MLXIPL: variants seen among roughly 807,000 people sequenced by gnomAD.
MLXIPL encodes carbohydrate-responsive element-binding protein.
In MLXIPL, 49 loss-of-function variants were observed where a neutral mutation model predicts 81.5. The observed-to-expected ratio is 0.60, with a 90% CI of 0.48 to 0.76. The LOEUF (loss-of-function observed/expected upper bound fraction) is 0.76, where lower values mean the gene tolerates loss of function less well. MLXIPL is among the 30% of genes least tolerant of loss of function. MLXIPL has a pLI of 0.00. For synonymous variants in MLXIPL, 466 were observed against 485.5 expected (o/e 0.96, Z 0.53); for missense variants, 1,053 against 1,167.0 (o/e 0.90, Z 1.42).
intron 8 of MLXIPL, among the ~76,000 whole-genome samples, chr7:73,598,815 G>A (rs1015993483): frequency 6.6e-6 from 1 of 152,006 alleles, no homozygotes; most frequent in Non-Finnish European, 1.5e-5. Flanking sequence ...GCAGCAGGAA[G>A]CAACTTCTGA....
chr7:73,596,977 C>G lies in MLXIPL; in HGVS notation c.1604-45G>C. On this transcript the variant is annotated intron_variant, in intron 9 of 16. Transcript: ENST00000313375. The surrounding 1 kb of genome is among the most constrained non-coding windows in gnomAD (Gnocchi z 4.7). ...TGAGGCTACTGGGGCTGGCCCACCC[C>G]CGGCATCTATCAAGACCCCATCCTG... 6.3e-7 allele frequency: 1 copy of G among 1,584,028 alleles called. No individual in the cohort carries two copies.
rs782092916 is a variant in MLXIPL at position 73,593,923 on chromosome 7, C to T, written c.2501G>A (p.Arg834His). Residue 834 changes from arginine to histidine, a missense_variant, in exon 17 of 17, where the codon CGC becomes CAC. This residue lies in a region of MLXIPL where 823 missense variants were observed against 933.0 expected (regional missense o/e 0.88). Transcript: ENST00000313375. ...TGCCCGTGTGGCTTGCTCAGGGATG[C>T]GGCCCGGGTCGGTCAGGATACTGGT... ...TSTSILTDPG[R>H]IPEQATRAVT... is the part of the protein sequence containing the mutation. 7.4e-6 allele frequency: 12 copies of T among 1,614,080 alleles called. No individual in the cohort carries two copies. The highest frequency in any genetic ancestry group is 2.2e-5 in the East Asian group (1 of 44,878).
chr7:73,606,486 C>T (rs111269178), intron 5 of MLXIPL: 4,022 of 331,152 alleles, frequency 0.012, 201 homozygotes, highest in African/African-American at 0.084. Context: ...AGTGCAGTGG[C>T]GCAATCTCAG....
intron 1 of MLXIPL, among the ~76,000 whole-genome samples, chr7:73,620,778 C>T (rs1323364099): frequency 6.7e-6 from 1 of 148,230 alleles, no homozygotes; most frequent in East Asian, 2.0e-4. Context: ...AGGCAGGACA[C>T]GATGGCTCAT....
At chr7:73,645,519 G>C in the MLXIPL span, among the ~76,000 whole-genome samples, 108 of 152,174 alleles carry the variant, frequency 7.1e-4, no homozygotes, top group African/African-American at 2.5e-3. Context: ...GTGGAGGTGG[G>C]TGAGGTGGGC....
the MLXIPL span, among the ~76,000 whole-genome samples, chr7:73,631,120 T>C: frequency 6.6e-6 from 1 of 152,014 alleles, no homozygotes; most frequent in African/African-American, 2.4e-5. Flanking sequence ...GCCATTCTCC[T>C]GACTCAGCCT....
chr7:73,647,855 G>A, the MLXIPL span, among the ~76,000 whole-genome samples: 1 of 150,628 alleles, frequency 6.6e-6, no homozygotes, highest in Non-Finnish European at 1.5e-5. Context: ...GGGGATGCTT[G>A]GGACCGCCGG....
rs1260141276 is a variant in MLXIPL, at chr7:73,623,784, C to G, written c.293+416G>C. On this transcript the variant is annotated intron_variant, in intron 1 of 16. Coordinates refer to ENST00000313375, the MANE Select transcript of MLXIPL (RefSeq NM_032951.3). This position sits in a 1 kb window ranked among gnomAD's most constrained non-coding sequence, Gnocchi z 5.7. ...GGGGCTGCTGGGGAGAAGGCCGAGG[C>G]CTGCAGGGGGTCGGGTGGAGTGGCT... is the stretch of plus-strand genomic sequence containing the variant. 1.3e-5 allele frequency among the ~76,000 whole-genome samples: 2 copies of G among 151,878 alleles called. No homozygotes were observed. Among genetic ancestry groups the G allele is most frequent in the African/African-American group, 4.8e-5 (2 of 41,366 alleles).
At chr7:73,617,136 C>T (rs1393734453) in intron 1 of MLXIPL, among the ~76,000 whole-genome samples, 1 of 152,126 alleles carries the variant, frequency 6.6e-6, no homozygotes, top group Admixed American at 6.6e-5. Flanking sequence ...GTGCCTCGGC[C>T]TCCCGAGTAG....
chr7:73,643,445 C>T, the MLXIPL span, among the ~76,000 whole-genome samples: 3 of 149,424 alleles, frequency 2.0e-5, no homozygotes, highest in East Asian at 2.0e-4. Flanking sequence ...ACCCGGGAGG[C>T]GGAGCTTGCA....
intron 15 of MLXIPL, 50 bp from the exon 16 acceptor site, chr7:73,594,453 C>T (rs1554592998): frequency 6.3e-7 from 1 of 1,598,418 alleles, no homozygotes; most frequent in Admixed American, 1.7e-5. Flanking sequence ...CCCCCCACAC[C>T]ACGTGGAGCC....
chr7:73,645,814 C>T, the MLXIPL span, among the ~76,000 whole-genome samples: 1 of 152,156 alleles, frequency 6.6e-6, no homozygotes, highest in Non-Finnish European at 1.5e-5. Context: ...ATCAGCTTTG[C>T]CGTTCCCAGG....
the MLXIPL span, among the ~76,000 whole-genome samples, chr7:73,636,147 C>T: frequency 5.3e-5 from 8 of 152,286 alleles, no homozygotes; most frequent in Admixed American, 1.3e-4. Context: ...CCGTGGCTCA[C>T]GCCTGCAATC....
Position 73,607,612 on chromosome 7 carries a change from G to A in MLXIPL, c.461C>T (p.Ala154Val), listed in dbSNP as rs782618950. The A allele has an allele frequency of 1.2e-6, 2 of 1,613,312 alleles. No homozygotes were observed. Among genetic ancestry groups the A allele is most frequent in the African/African-American group, 2.7e-5 (2 of 75,038 alleles). The change falls in exon 3 of 17, where the codon GCT (alanine) becomes GTT (valine). Residue 154 changes from alanine (A) to valine (V), a missense_variant. Ala to Val is a moderately conservative substitution (Grantham distance 64). Transcript: ENST00000313375. ...GFVTPLQGPEADAHRKPEAVV... is the reference protein window; with the variant it reads ...GFVTPLQGPEVDAHRKPEAVV... ...TACCTCCGGCTTCCGGTGCGCATCA[G>A]CCTCAGGCCCCTGCAGGGGGGTCAC... is the stretch of plus-strand genomic sequence containing the variant.
chr7:73,595,027 G>T (rs1032546139), intron 15 of MLXIPL, among the ~76,000 whole-genome samples: 1 of 151,972 alleles, frequency 6.6e-6, no homozygotes. Context: ...TGTATTTTTA[G>T]TAGAGATGGG....
In MLXIPL at chr7:73,623,967, G is replaced by A. The variant is rs1378462706; in HGVS notation, c.293+233C>T. On this transcript the variant is annotated intron_variant, in intron 1 of 16. Transcript: ENST00000313375. This position sits in a 1 kb window ranked among gnomAD's most constrained non-coding sequence, Gnocchi z 5.7. ...GCGCTTCGGGGAAGAGGGAATGGGG[G>A]AGGAATGGGAATCAGAAATGCGTGG... 2.6e-5 allele frequency among the ~76,000 whole-genome samples: 4 copies of A among 152,126 alleles called. No homozygotes were observed. The highest frequency in any genetic ancestry group is 9.7e-5 in the African/African-American group (4 of 41,436).
chr7:73,599,767 T>C, intron 7 of MLXIPL, 72 bp from the exon 8 acceptor site: 16 of 1,398,688 alleles, frequency 1.1e-5, no homozygotes, highest in African/African-American at 2.9e-5. Context: ...GAGAGGAGAG[T>C]GGCCTGTCCC....
chr7:73,617,795 T>A (rs1796089661), intron 1 of MLXIPL, among the ~76,000 whole-genome samples: 1 of 151,840 alleles, frequency 6.6e-6, no homozygotes, highest in Admixed American at 6.6e-5. Flanking sequence ...CAGTGAGCTA[T>A]GATCACGCCA....
Position 73,607,362 on chromosome 7 carries a change from T to C in MLXIPL, c.542A>G (p.Tyr181Cys). 1 of 1,567,470 alleles carries C rather than the reference T, an allele frequency of 6.4e-7. No homozygotes were observed. The highest frequency in any genetic ancestry group is 8.7e-7 in the Non-Finnish European group (1 of 1,155,762). The change falls in exon 4 of 17, where the codon TAC (tyrosine) becomes TGC (cysteine). Residue 181 changes from tyrosine to cysteine, a missense_variant. By Grantham distance (194) the Tyr-to-Cys change is radical (BLOSUM62 -2). Transcript: ENST00000313375. ...CTTGTAGTAGATGCGCCACTTGTGGTATTCCCGCATCACCACCTCGATGCG... is the reference window on the plus strand; with the variant it reads ...CTTGTAGTAGATGCGCCACTTGTGGCATTCCCGCATCACCACCTCGATGCG... Reference protein sequence around the residue: ...KRRIEVVMREYHKWRIYYKKR... With the variant: ...KRRIEVVMRECHKWRIYYKKR...
Sources: gnomAD v4.1 joint callset for allele counts (sites outside exome capture counted in the v4.1 genomes callset) on GRCh38, gnomAD v4.1.1 for gene constraint, gnomAD v4.1.1 regional missense constraint, Gnocchi (gnomAD v3.1) non-coding constraint, MANE v1.5 for transcripts, NCBI Gene and HGNC (gene_info 2026-07-23, HGNC 2026-07-21) for gene names.